Variants in MBNL3 observed in about 807,000 individuals in gnomAD.
The protein encoded by MBNL3 is muscleblind like splicing regulator 3.
Under a neutral mutation model 24.5 loss-of-function variants are expected in MBNL3, and 6 were observed. That is an observed-to-expected ratio of 0.25 (90% CI 0.13 to 0.48). The LOEUF is 0.48. Ranked by LOEUF, MBNL3 falls within the 20% of genes least tolerant of loss-of-function variation. The pLI is 0.99. For synonymous variants in MBNL3, 100 were observed against 101.7 expected, an observed-to-expected ratio of 0.98 and a Z score of 0.10; for missense variants, 230 against 293.5, an observed-to-expected ratio of 0.78 and a Z score of 1.58.
Position 132,392,266 on chromosome X carries a change from A to T in MBNL3, c.411T>A (p.His137Gln). 1.7e-6 allele frequency: 2 copies of T among 1,210,408 alleles called. No individual in the cohort carries two copies. The highest frequency in any genetic ancestry group is 2.2e-6 in the Non-Finnish European group (2 of 894,596). The stretch of plus-strand genomic sequence containing the variant: ...CTGCAGGAACGAGGCCCATCCCAGG[A>T]TGTGGTATGTAAGGATTGAAAGCCA... Reference protein sequence around the residue: ...PPMAFNPYIPHPGMGLVPAEL... With the variant: ...PPMAFNPYIPQPGMGLVPAEL... Residue 137 changes from histidine (H) to glutamine (Q), a missense_variant, in exon 4 of 9, where the codon CAT becomes CAA. His to Gln is a conservative substitution (Grantham distance 24). Transcript: ENST00000370853.
rs745788349 is a variant in MBNL3 at position 132,447,509 on chromosome X, TG to T, written c.-703-7196del. On this transcript the variant is annotated intron_variant, in intron 1 of 8. Coordinates refer to ENST00000370853, the MANE Select transcript of MBNL3 (RefSeq NM_001386889.1). ...CGATTCCTAGGTATTTTATTCTCTT[TG>T]TAGCAATTGTGAATGGGAGTTCACT... 2.7e-5 allele frequency among the ~76,000 whole-genome samples: 3 copies of T among 111,766 alleles called. No individual in the cohort carries two copies. In the South Asian group the frequency reaches 1.1e-3, roughly 42 times the overall value.
intron 1 of MBNL3, among the ~76,000 whole-genome samples, chrX:132,476,171 G>GC (rs1947428302): frequency 9.0e-6 from 1 of 111,013 alleles, no homozygotes; most frequent in African/African-American, 3.3e-5. Context: ...AATAATATGA[G>GC]CCAGAGCTCC....
intron 2 of MBNL3, among the ~76,000 whole-genome samples, chrX:132,420,118 A>C (rs924198685): frequency 9.0e-6 from 1 of 111,588 alleles, no homozygotes; most frequent in Non-Finnish European, 1.9e-5. Flanking sequence ...ATCTTGGGCC[A>C]TGCAGTGAGT....
intron 1 of MBNL3, among the ~76,000 whole-genome samples, chrX:132,463,206 A>G (rs1946717180): frequency 1.8e-5 from 2 of 112,534 alleles, no homozygotes; most frequent in South Asian, 3.7e-4. Context: ...TCATGCCTGT[A>G]ATCTCAGCAC....
rs1933497735 is a variant in MBNL3 at position 132,370,281 on chromosome X, ATT to A, written c.*9383_*9384del. The A allele has an allele frequency of 8.9e-6, 1 of 112,122 alleles. No homozygotes were observed. The highest frequency in any genetic ancestry group is 2.8e-4 in the East Asian group (1 of 3,580). 9.2% of individuals were successfully genotyped at this position (112,122 alleles called of 1,213,427 possible). A position where few individuals can be genotyped will look rare whatever the true frequency, so the allele number is the denominator to read the frequency against. On this transcript the variant is annotated 3_prime_UTR_variant, in exon 9 of 9. Coordinates refer to ENST00000370853, the MANE Select transcript of MBNL3 (RefSeq NM_001386889.1). Reference sequence around the variant, plus strand: ...ATTATAATCATACCTCAGGCCTGTCATTGTATCATGCCCTCTACAGATGATGA... The same window carrying A: ...ATTATAATCATACCTCAGGCCTGTCAGTATCATGCCCTCTACAGATGATGA...
At chrX:132,399,116 AT>A (rs1940377151) in intron 3 of MBNL3, among the ~76,000 whole-genome samples, 1 of 111,772 alleles carries the variant, frequency 8.9e-6, no homozygotes, top group Non-Finnish European at 1.9e-5. Context: ...CCATTAATTA[AT>A]TTTTGATTTA....
chrX:132,444,222 T>C, intron 1 of MBNL3, among the ~76,000 whole-genome samples: 1 of 110,698 alleles, frequency 9.0e-6, no homozygotes. Flanking sequence ...CTATAAAGAT[T>C]AAATAGTAAT....
intron 5 of MBNL3, among the ~76,000 whole-genome samples, chrX:132,388,421 A>G (rs1014019500): frequency 5.7e-4 from 64 of 112,377 alleles, no homozygotes; most frequent in African/African-American, 1.9e-3. Flanking sequence ...CAGAAGACCT[A>G]CTTATCTGGT....
intron 5 of MBNL3, among the ~76,000 whole-genome samples, chrX:132,388,219 G>T (rs927784783): frequency 9.0e-6 from 1 of 111,713 alleles, no homozygotes; most frequent in African/African-American, 3.3e-5. Flanking sequence ...CCTAAATAAA[G>T]AAAAGCATGC....
At chrX:132,408,198 T>A (rs1942173755) in intron 2 of MBNL3, among the ~76,000 whole-genome samples, 1 of 95,604 alleles carries the variant, frequency 1.0e-5, no homozygotes, top group Non-Finnish European at 2.1e-5. Context: ...TCTAAATAAC[T>A]TATTACTGAC....
chrX:132,416,309 C>G (rs748971550), intron 2 of MBNL3, among the ~76,000 whole-genome samples: 11 of 111,081 alleles, frequency 9.9e-5, no homozygotes, highest in African/African-American at 3.6e-4. Flanking sequence ...ACAGAAAGAT[C>G]AATACTGCAC....
chrX:132,390,882 G>A lies in MBNL3; in HGVS notation c.736C>T (p.His246Tyr). ...AHLQARLKAAHHQMNHSAASA... is the reference protein window; with the variant it reads ...AHLQARLKAAYHQMNHSAASA... ...GCAGCTGAATGGTTCATCTGATGAT[G>A]AGCTGCCTTGAGTCTGGCTTGCAAG... Residue 246 changes from histidine to tyrosine, a missense_variant, in exon 5 of 9, where the codon CAT (histidine) becomes TAT (tyrosine). Transcript: ENST00000370853. The A allele has an allele frequency of 8.3e-7, 1 of 1,210,975 alleles. No homozygotes were observed. The highest frequency in any genetic ancestry group is 1.1e-6 in the Non-Finnish European group (1 of 895,033).
intron 2 of MBNL3, among the ~76,000 whole-genome samples, chrX:132,415,193 C>T (rs968901951): frequency 1.8e-5 from 2 of 111,961 alleles, no homozygotes; most frequent in Non-Finnish European, 3.8e-5. Flanking sequence ...TTTCGCTGTA[C>T]TGAAACCTGG....
At chrX:132,396,665 CAT>C (rs1181106122) in intron 3 of MBNL3, among the ~76,000 whole-genome samples, 17 of 4,282 alleles carry the variant, frequency 4.0e-3, no homozygotes, top group South Asian at 0.014. Flanking sequence ...TATATATTCA[CAT>C]ATATATATTC....
At chrX:132,403,175 AT>A (rs761178504) in intron 3 of MBNL3, among the ~76,000 whole-genome samples, 19 of 110,980 alleles carry the variant, frequency 1.7e-4, no homozygotes, top group Admixed American at 1.4e-3. Context: ...CAATAAAGAA[AT>A]TTTTTTTCCA....
intron 2 of MBNL3, among the ~76,000 whole-genome samples, chrX:132,416,158 A>G (rs1943273065): frequency 8.9e-6 from 1 of 112,109 alleles, no homozygotes; most frequent in Non-Finnish European, 1.9e-5. Context: ...TTAAGTTTCC[A>G]TCAATGGAAG....
intron 1 of MBNL3, among the ~76,000 whole-genome samples, chrX:132,464,647 T>C (rs1263527922): frequency 1.8e-5 from 2 of 112,280 alleles, no homozygotes; most frequent in Non-Finnish European, 3.8e-5. Context: ...GTAAGTGGAA[T>C]GGTGCTGTAT....
In MBNL3 at chrX:132,415,254, T is replaced by C. The variant is rs188510185; in HGVS notation, c.178-8862A>G. ...CCTCAATTCCAAATGGTTTTAGTTT[T>C]GCACTAACCTTAAACCTTGGGGTTT... is the stretch of plus-strand genomic sequence containing the variant. On this transcript the variant is annotated intron_variant, in intron 2 of 8. Coordinates refer to ENST00000370853, the MANE Select transcript of MBNL3 (RefSeq NM_001386889.1). Among the ~76,000 whole-genome samples the C allele has an allele frequency of 5.8e-3, 648 of 112,303 alleles. 5 individuals are homozygous for C. The highest frequency in any genetic ancestry group is 9.4e-3 in the Non-Finnish European group (500 of 53,219).
At chrX:132,415,488 A>G (rs1277510838) in intron 2 of MBNL3, among the ~76,000 whole-genome samples, 1 of 111,902 alleles carries the variant, frequency 8.9e-6, no homozygotes, top group Non-Finnish European at 1.9e-5. Context: ...AACCAGCCAC[A>G]TATCTCTCCA....
Sources: gnomAD v4.1 joint callset for allele counts (sites outside exome capture counted in the v4.1 genomes callset) on GRCh38, gnomAD v4.1.1 for gene constraint, MANE v1.5 for transcripts, NCBI Gene and HGNC (gene_info 2026-07-23, HGNC 2026-07-21) for gene names.